The following SLC25A21 variants were observed in gnomAD, a reference collection of about 807,000 sequenced individuals.
SLC25A21 encodes the protein solute carrier family 25 member 21, also known as mitochondrial 2-oxodicarboxylate carrier.
In SLC25A21, 47 loss-of-function variants were observed where a neutral mutation model predicts 43.8. The observed-to-expected ratio is 1.07, with a 90% CI of 0.85 to 1.37. SLC25A21 has a LOEUF of 1.37. Among genes scored for constraint, SLC25A21 ranks in the 40% most tolerant of loss-of-function variants. The pLI is 0.00. For synonymous variants in SLC25A21, 131 were observed against 121.3 expected, an observed-to-expected ratio of 1.08 and a Z score of -0.52; for missense variants, 352 against 350.2, an observed-to-expected ratio of 1.00 and a Z score of -0.04.
At position 36,958,181 on chromosome 14, in the gene SLC25A21, C is replaced by T. The variant is rs139152999; in HGVS notation, c.71-83177G>A. On this transcript the variant is annotated intron_variant, in intron 1 of 9. Coordinates refer to ENST00000331299, the MANE Select transcript of SLC25A21 (RefSeq NM_030631.4). Reference sequence around the variant, plus strand: ...GACAACCAAACTGCCAACAAGCCTGCCACTGCCTCCATCATCCCATAATGC... The same window carrying T: ...GACAACCAAACTGCCAACAAGCCTGTCACTGCCTCCATCATCCCATAATGC... Among the ~76,000 whole-genome samples, 4 of 152,198 alleles carry T rather than the reference C, an allele frequency of 2.6e-5. No homozygotes were observed. The East Asian group carries it at 7.7e-4, about 29-fold the overall frequency.
intron 1 of SLC25A21, among the ~76,000 whole-genome samples, chr14:36,982,749 G>C (rs1180905536): frequency 6.6e-6 from 1 of 152,126 alleles, no homozygotes; most frequent in African/African-American, 2.4e-5. Flanking sequence ...GGGAGCCAGA[G>C]GTTGCAGTAA....
At chr14:37,168,838 C>T (rs1469562137) in intron 1 of SLC25A21, among the ~76,000 whole-genome samples, 1 of 152,138 alleles carries the variant, frequency 6.6e-6, no homozygotes, top group Non-Finnish European at 1.5e-5. Flanking sequence ...AACCTTATAT[C>T]TTCACATAGA....
chr14:36,979,771 A>G (rs1959977209), intron 1 of SLC25A21, among the ~76,000 whole-genome samples: 1 of 152,168 alleles, frequency 6.6e-6, no homozygotes, highest in Non-Finnish European at 1.5e-5. Context: ...CCACCTTTAA[A>G]AACTTTGTGT....
Position 36,679,338 on chromosome 14 carries a change from C to CTAAA in SLC25A21, c.*1316_*1319dup. The CTAAA allele has an allele frequency of 1.0e-6, 1 of 969,876 alleles. No homozygotes were observed. The highest frequency in any genetic ancestry group is 1.2e-6 in the Non-Finnish European group (1 of 815,940). The allele number at this position is 969,876 out of a possible 1,614,324, so 60.1% of individuals were successfully genotyped here. On this transcript the variant is annotated 3_prime_UTR_variant, in exon 10 of 10. Coordinates refer to ENST00000331299, the MANE Select transcript of SLC25A21 (RefSeq NM_030631.4). Reference sequence around the variant, plus strand: ...CTTTTATTTTTATACTTCAAATGCTCTAAATTAATAAAAAGTAATAATTAC... The same window carrying CTAAA: ...CTTTTATTTTTATACTTCAAATGCTCTAAATAAATTAATAAAAAGTAATAATTAC...
intron 1 of SLC25A21, among the ~76,000 whole-genome samples, chr14:37,024,365 A>G (rs1961049075): frequency 6.6e-6 from 1 of 152,026 alleles, no homozygotes; most frequent in Non-Finnish European, 1.5e-5. Flanking sequence ...GGGTCAACAG[A>G]GGGCAGTGTG....
intron 1 of SLC25A21, among the ~76,000 whole-genome samples, chr14:37,016,300 A>T (rs1223572778): frequency 6.6e-6 from 1 of 152,106 alleles, no homozygotes; most frequent in African/African-American, 2.4e-5. Context: ...TAAATAGGGA[A>T]TCCTTTCCCC....
chr14:36,992,834 C>G (rs756252900), intron 1 of SLC25A21, among the ~76,000 whole-genome samples: 1 of 152,148 alleles, frequency 6.6e-6, no homozygotes, highest in Non-Finnish European at 1.5e-5. Flanking sequence ...GCAATCATTT[C>G]TTTTTGTTTC....
intron 1 of SLC25A21, among the ~76,000 whole-genome samples, chr14:36,960,105 T>C (rs529991910): frequency 2.2e-4 from 33 of 152,334 alleles, no homozygotes; most frequent in African/African-American, 7.5e-4. Flanking sequence ...CTTTTTGTTT[T>C]TTAGTTTAGA....
chr14:36,947,905 T>C (rs2138657634), intron 1 of SLC25A21, among the ~76,000 whole-genome samples: 1 of 152,358 alleles, frequency 6.6e-6, no homozygotes, highest in African/African-American at 2.4e-5. Context: ...TACTCGATTC[T>C]AAATGATATG....
At chr14:36,808,362 T>G (rs1302277525) in intron 3 of SLC25A21, among the ~76,000 whole-genome samples, 1 of 152,180 alleles carries the variant, frequency 6.6e-6, no homozygotes, top group Non-Finnish European at 1.5e-5. Context: ...GAGTCTTGAG[T>G]TGCCAGAGCT....
At chr14:36,767,895 C>T (rs1191511891) in intron 3 of SLC25A21, among the ~76,000 whole-genome samples, 1 of 152,184 alleles carries the variant, frequency 6.6e-6, no homozygotes, top group African/African-American at 2.4e-5. Flanking sequence ...GGTGGCAAAA[C>T]AGGCTTTGGA....
At chr14:37,037,111 G>C (rs984116869) in intron 1 of SLC25A21, among the ~76,000 whole-genome samples, 1 of 152,308 alleles carries the variant, frequency 6.6e-6, no homozygotes, top group East Asian at 1.9e-4. Flanking sequence ...AGGCTGGGGC[G>C]GGTGTGGGGG....
chr14:37,073,438 C>T (rs936012236), intron 1 of SLC25A21, among the ~76,000 whole-genome samples: 1 of 152,112 alleles, frequency 6.6e-6, no homozygotes, highest in Non-Finnish European at 1.5e-5. Context: ...CTGCTCCTGT[C>T]CTGGCTTCAA....
At chr14:37,018,594 C>T (rs1960914255) in intron 1 of SLC25A21, among the ~76,000 whole-genome samples, 1 of 151,974 alleles carries the variant, frequency 6.6e-6, no homozygotes, top group African/African-American at 2.4e-5. Flanking sequence ...TCACTGTCTC[C>T]ATTGTCATTA....
At chr14:37,168,843 C>A (rs1188865588) in intron 1 of SLC25A21, among the ~76,000 whole-genome samples, 6 of 152,136 alleles carry the variant, frequency 3.9e-5, no homozygotes, top group Non-Finnish European at 8.8e-5. Flanking sequence ...TATATCTTCA[C>A]ATAGACCAAG....
At chr14:37,089,589 A>T (rs1950377) in intron 1 of SLC25A21, among the ~76,000 whole-genome samples, 10 of 152,092 alleles carry the variant, frequency 6.6e-5, no homozygotes, top group Admixed American at 1.3e-4. Context: ...CCCCAAACAG[A>T]TTTCTTGGAG....
At chr14:36,700,230 C>T (rs1224514485) in intron 7 of SLC25A21, among the ~76,000 whole-genome samples, 2 of 152,208 alleles carry the variant, frequency 1.3e-5, no homozygotes, top group African/African-American at 4.8e-5. Context: ...CATTCTTCCT[C>T]CCTTCCTTTC....
intron 3 of SLC25A21, among the ~76,000 whole-genome samples, chr14:36,758,281 G>A (rs1363867532): frequency 6.6e-6 from 1 of 152,110 alleles, no homozygotes; most frequent in African/African-American, 2.4e-5. Flanking sequence ...GAGTTTTCAT[G>A]TTACTGCTAG....
rs1206915247 is a variant in SLC25A21, at chr14:36,680,642, A to G, written c.*16T>C. ...AATATCCATTATCTCAAGGGGGAAA[A>G]ACACTTCATAGGCAATCACCAGTTC... On this transcript the variant is annotated 3_prime_UTR_variant, in exon 10 of 10. Coordinates refer to ENST00000331299, the MANE Select transcript of SLC25A21 (RefSeq NM_030631.4). The G allele has an allele frequency of 6.2e-7, 1 of 1,610,510 alleles. No homozygotes were observed. Among genetic ancestry groups the G allele is most frequent in the Admixed American group, 1.7e-5 (1 of 59,500 alleles).
Sources: gnomAD v4.1 joint callset for allele counts (sites outside exome capture counted in the v4.1 genomes callset) on GRCh38, gnomAD v4.1.1 for gene constraint, MANE v1.5 for transcripts, NCBI Gene and HGNC (gene_info 2026-07-23, HGNC 2026-07-21) for gene names.